TLN2: variants seen among roughly 807,000 people sequenced by gnomAD.
TLN2 encodes the protein talin 2.
In TLN2, 118 loss-of-function variants were observed where a neutral mutation model predicts 294.7. That is an observed-to-expected ratio of 0.40 (90% CI 0.34 to 0.47). The LOEUF (loss-of-function observed/expected upper bound fraction) is 0.47, where lower values mean the gene tolerates loss of function less well. Ranked by LOEUF, TLN2 falls within the 20% of genes least tolerant of loss-of-function variation. TLN2 has a pLI of 0.84. For synonymous variants in TLN2, 1,431 were observed against 1,304.5 expected, an observed-to-expected ratio of 1.10 and a Z score of -2.09; for missense variants, 3,083 against 3,282.2, an observed-to-expected ratio of 0.94 and a Z score of 1.48.
chr15:62,776,981 A>G (rs1039398716), intron 43 of TLN2, 71 bp downstream of exon 43: 1 of 1,327,708 alleles, frequency 7.5e-7, no homozygotes, highest in Admixed American at 3.0e-5. Flanking sequence ...CTTTTCTCTA[A>G]GCTGTCAAGG....
chr15:62,578,600 A>G (rs1390982109), intron 1 of TLN2, among the ~76,000 whole-genome samples: 1 of 152,164 alleles, frequency 6.6e-6, no homozygotes, highest in East Asian at 1.9e-4. Context: ...TCTCCTGCAT[A>G]TTCCACTTCA....
intron 40 of TLN2, 46 bp from the exon 41 acceptor site, chr15:62,766,275 G>C: frequency 6.5e-7 from 1 of 1,527,818 alleles, no homozygotes; most frequent in East Asian, 2.3e-5. Context: ...GTGCAGCTCT[G>C]TGGGGAGCTG....
intron 21 of TLN2, among the ~76,000 whole-genome samples, 181 bp from the exon 22 acceptor site, chr15:62,711,730 G>C (rs1014036930): frequency 6.6e-6 from 1 of 152,166 alleles, no homozygotes; most frequent in Non-Finnish European, 1.5e-5. Context: ...CCTGGCAGCC[G>C]CAGGGAATAT....
Position 62,762,434 on chromosome 15 carries a change from A to G in TLN2, c.4942A>G (p.Ser1648Gly). ...HSHTVSDSIKSLITSIRDKAP... is the reference protein window; with the variant it reads ...HSHTVSDSIKGLITSIRDKAP... ...CCATACAGTGTCCGACTCCATCAAGAGTCTCATCACTTCTATCAGGTCAGT... is the reference window on the plus strand; with the variant it reads ...CCATACAGTGTCCGACTCCATCAAGGGTCTCATCACTTCTATCAGGTCAGT... The change falls in exon 39 of 59, where the codon AGT becomes GGT. Residue 1648 changes from serine to glycine, a missense_variant. Physicochemically the swap from Ser to Gly is moderately conservative, Grantham distance 56. Transcript: ENST00000636159. The G allele has an allele frequency of 6.2e-7, 1 of 1,614,104 alleles. No homozygotes were observed. Among genetic ancestry groups the G allele is most frequent in the South Asian group, 1.1e-5 (1 of 91,072 alleles).
At chr15:62,508,607 A>G (rs973532760) in intron 1 of TLN2, among the ~76,000 whole-genome samples, 3 of 152,264 alleles carry the variant, frequency 2.0e-5, no homozygotes, top group African/African-American at 7.2e-5. Context: ...TATCAAGTTG[A>G]AAAGAAATTT....
At chr15:62,406,532 C>T (rs1390949283) in intron 1 of TLN2, among the ~76,000 whole-genome samples, 1 of 152,202 alleles carries the variant, frequency 6.6e-6, no homozygotes, top group East Asian at 1.9e-4. Context: ...GGCAGTTTTG[C>T]AGTCATATTT....
At chr15:62,781,744 T>C (rs2064188710) in intron 44 of TLN2, among the ~76,000 whole-genome samples, 1 of 152,120 alleles carries the variant, frequency 6.6e-6, no homozygotes, top group African/African-American at 2.4e-5. Flanking sequence ...AGTATGGTTA[T>C]GTAATAAGAA....
At chr15:62,622,730 A>G (rs1170247692) in intron 3 of TLN2, among the ~76,000 whole-genome samples, 1 of 152,134 alleles carries the variant, frequency 6.6e-6, no homozygotes, top group Non-Finnish European at 1.5e-5. Flanking sequence ...TAATATATAC[A>G]TTGATTTTGT....
At chr15:62,811,816 A>G (rs1430301002) in intron 52 of TLN2, among the ~76,000 whole-genome samples, 1 of 152,028 alleles carries the variant, frequency 6.6e-6, no homozygotes, top group African/African-American at 2.4e-5. Flanking sequence ...GTTCAAGACT[A>G]GCCTGGCCAA....
intron 1 of TLN2, among the ~76,000 whole-genome samples, chr15:62,553,360 C>T (rs1378767257): frequency 6.6e-6 from 1 of 152,150 alleles, no homozygotes; most frequent in East Asian, 1.9e-4. Flanking sequence ...TGGTGGGTGC[C>T]TGTAATCCCT....
At position 62,657,894 on chromosome 15, in the gene TLN2, T is replaced by A. The variant is rs2053394434; in HGVS notation, c.784T>A (p.Leu262Ile). 1 of 1,611,138 alleles carries A rather than the reference T, an allele frequency of 6.2e-7. No homozygotes were observed. Among genetic ancestry groups the A allele is most frequent in the Admixed American group, 1.7e-5 (1 of 59,404 alleles). Residue 262 changes from leucine (L) to isoleucine (I), a missense_variant, in exon 9 of 59, where the codon TTA (leucine) becomes ATA (isoleucine). Leu to Ile is a conservative substitution (Grantham distance 5). Coordinates refer to ENST00000636159, the MANE Select transcript of TLN2 (RefSeq NM_015059.3). ...HVEHKHKPGF[L>I]DLKEFLPKEY... ...GGAACATAAACACAAACCTGGATTT[T>A]TAGAGTAAATGACATTTTGTTTCTC...
At chr15:62,652,273 T>C (rs549746149) in intron 6 of TLN2, 139 bp downstream of exon 6, 1 of 910,480 alleles carries the variant, frequency 1.1e-6, no homozygotes, top group South Asian at 4.8e-5. Context: ...CCCCAGAGGG[T>C]GTGTCCATTC....
intron 1 of TLN2, among the ~76,000 whole-genome samples, chr15:62,458,774 G>GA (rs1280726655): frequency 1.3e-5 from 2 of 151,756 alleles, no homozygotes; most frequent in Non-Finnish European, 2.9e-5. Context: ...GTCTCAAAAA[G>GA]AAAAAATAAA....
intron 52 of TLN2, among the ~76,000 whole-genome samples, chr15:62,812,669 A>C (rs1200054946): frequency 6.6e-6 from 1 of 152,224 alleles, no homozygotes; most frequent in African/African-American, 2.4e-5. Flanking sequence ...ACCCTATCCC[A>C]GTATCCGGGA....
At chr15:62,556,893 A>T (rs1464281897) in intron 1 of TLN2, among the ~76,000 whole-genome samples, 1 of 152,196 alleles carries the variant, frequency 6.6e-6, no homozygotes, top group East Asian at 1.9e-4. Flanking sequence ...AAACATTTTG[A>T]TAAGAAAGTA....
At position 62,821,002 on chromosome 15, in the gene TLN2, A is replaced by G. The variant is rs117852630; in HGVS notation, c.7002+392A>G. ...AAGAAATAGCACTGCTGGGAATCAGAGGGCAATGAGAACTTCAAAAGTGCA... is the reference window on the plus strand; with the variant it reads ...AAGAAATAGCACTGCTGGGAATCAGGGGGCAATGAGAACTTCAAAAGTGCA... On this transcript the variant is annotated intron_variant, in intron 54 of 58. Transcript: ENST00000636159. 2.4e-3 allele frequency among the ~76,000 whole-genome samples: 372 copies of G among 152,326 alleles called. 1 individual carries two copies. The highest frequency in any genetic ancestry group is 3.2e-3 in the Non-Finnish European group (220 of 68,022).
chr15:62,582,195 T>TAG (rs2045116111), intron 1 of TLN2, among the ~76,000 whole-genome samples: 1 of 66,474 alleles, frequency 1.5e-5, no homozygotes, highest in Non-Finnish European at 2.9e-5. Context: ...TGTGTATGCA[T>TAG]ACACACACAC....
At chr15:62,653,079 C>T in intron 6 of TLN2, 83 bp from the exon 7 acceptor site, 1 of 1,218,466 alleles carries the variant, frequency 8.2e-7, no homozygotes, top group Non-Finnish European at 1.1e-6. Flanking sequence ...CCAGGAGCTC[C>T]TTGGAATATC....
At chr15:62,575,143 T>G (rs1432144598) in intron 1 of TLN2, among the ~76,000 whole-genome samples, 1 of 152,038 alleles carries the variant, frequency 6.6e-6, no homozygotes, top group African/African-American at 2.4e-5. Flanking sequence ...TGAAACCTCA[T>G]CTCCACCAAA....
Sources: gnomAD v4.1 joint callset for allele counts (sites outside exome capture counted in the v4.1 genomes callset) on GRCh38, gnomAD v4.1.1 for gene constraint, MANE v1.5 for transcripts, NCBI Gene and HGNC (gene_info 2026-07-23, HGNC 2026-07-21) for gene names.